HSPA12A: variants seen among roughly 807,000 people sequenced by gnomAD.
HSPA12A encodes the protein heat shock 70 kDa protein 12A.
HSPA12A carries 28 observed loss-of-function variants against 69.2 expected under a neutral mutation model. The observed-to-expected ratio is 0.40, with a 90% CI of 0.30 to 0.55. The LOEUF (loss-of-function observed/expected upper bound fraction) is 0.55, where lower values mean the gene tolerates loss of function less well. Ranked by LOEUF, HSPA12A falls within the 20% of genes least tolerant of loss-of-function variation. The pLI is 0.38. For synonymous variants in HSPA12A, 345 were observed against 370.5 expected, an observed-to-expected ratio of 0.93 and a Z score of 0.79; for missense variants, 686 against 900.7, an observed-to-expected ratio of 0.76 and a Z score of 3.05.
In HSPA12A at chr10:116,710,910, A is replaced by T. The variant is rs1381749449; in HGVS notation, c.41-3625T>A. On this transcript the variant is annotated intron_variant, in intron 1 of 11. Coordinates refer to ENST00000369209, the MANE Select transcript of HSPA12A (RefSeq NM_025015.3). The surrounding 1 kb of genome is among the most constrained non-coding windows in gnomAD (Gnocchi z 4.1). ...CTCAAAAATTCTCAGGGGAAAAAAA[A>T]CGGAAAAGCCTATCTCACCCCCTGA... is the stretch of plus-strand genomic sequence containing the variant. Among the ~76,000 whole-genome samples the T allele has an allele frequency of 6.6e-6, 1 of 152,224 alleles. No individual in the cohort carries two copies. The highest frequency in any genetic ancestry group is 2.1e-4 in the South Asian group (1 of 4,828).
chr10:116,767,442 G>C (rs1317578879), intron 2 of HSPA12A, among the ~76,000 whole-genome samples: 1 of 152,140 alleles, frequency 6.6e-6, no homozygotes, highest in Non-Finnish European at 1.5e-5. Context: ...ATCCACCCCA[G>C]CTGCTGGGTG....
At chr10:116,762,139 G>A (rs944193579) in intron 2 of HSPA12A, among the ~76,000 whole-genome samples, 38 of 152,190 alleles carry the variant, frequency 2.5e-4, no homozygotes, top group Admixed American at 5.2e-4. Context: ...CTTTGGCGTA[G>A]CATAAGCCGC....
At chr10:116,805,944 C>T (rs1845059897) in intron 2 of HSPA12A, among the ~76,000 whole-genome samples, 1 of 152,206 alleles carries the variant, frequency 6.6e-6, no homozygotes, top group African/African-American at 2.4e-5. Flanking sequence ...TAAATGCCAC[C>T]TCAGACCACC....
chr10:116,745,392 C>T (rs1851627272), upstream of HSPA12A, among the ~76,000 whole-genome samples: 1 of 152,210 alleles, frequency 6.6e-6, no homozygotes, highest in African/African-American at 2.4e-5. Flanking sequence ...TACCAAGTTC[C>T]CTCAAGCTCC....
At chr10:116,815,661 A>G (rs764647543) in intron 2 of HSPA12A, among the ~76,000 whole-genome samples, 3 of 152,190 alleles carry the variant, frequency 2.0e-5, no homozygotes, top group African/African-American at 2.4e-5. Context: ...ACAGGTAAGT[A>G]GATTCTCTAG....
intron 2 of HSPA12A, among the ~76,000 whole-genome samples, chr10:116,796,695 C>G (rs1844834243): frequency 6.6e-6 from 1 of 152,130 alleles, no homozygotes; most frequent in South Asian, 2.1e-4. Context: ...AGCCCCGGGG[C>G]AGAGATTTGA....
chr10:116,739,937 A>G (rs1299095828), intron 1 of HSPA12A, among the ~76,000 whole-genome samples: 1 of 151,360 alleles, frequency 6.6e-6, no homozygotes, highest in East Asian at 1.9e-4. Context: ...CCTTTCTGAC[A>G]CCACCCCCCA....
At chr10:116,683,541 TAGAG>T in intron 7 of HSPA12A, 2 of 356,390 alleles carry the variant, frequency 5.6e-6, no homozygotes, top group East Asian at 4.1e-5. Flanking sequence ...CTCAGATTCT[TAGAG>T]AGAAGCTCCC....
intron 2 of HSPA12A, among the ~76,000 whole-genome samples, chr10:116,812,779 C>T (rs371763707): frequency 1.2e-4 from 18 of 152,100 alleles, no homozygotes; most frequent in Admixed American, 5.9e-4. Context: ...GATGATCTGG[C>T]GAAGGACCCA....
intron 10 of HSPA12A, among the ~76,000 whole-genome samples, chr10:116,677,451 A>G (rs1849272955): frequency 6.6e-6 from 1 of 152,132 alleles, no homozygotes; most frequent in Non-Finnish European, 1.5e-5. Flanking sequence ...GTATGGAATG[A>G]CCCCATGGCT....
chr10:116,840,904 A>G lies in HSPA12A; in HGVS notation c.4-5882T>C, dbSNP rs556972929. Among the ~76,000 whole-genome samples, 3 of 152,324 alleles carry G rather than the reference A, an allele frequency of 2.0e-5. No individual in the cohort carries two copies. In the South Asian group the frequency reaches 6.2e-4, roughly 32 times the overall value. Reference sequence around the variant, plus strand: ...TCATTGATCAACTCCAATTTTCACAACAATCTAACAGTAGCTGTTTAACAA... The same window carrying G: ...TCATTGATCAACTCCAATTTTCACAGCAATCTAACAGTAGCTGTTTAACAA... On this transcript the variant is annotated intron_variant, in intron 1 of 12. Coordinates refer to the HSPA12A transcript ENST00000635765.
At chr10:116,709,683 C>A (rs1025925988) in intron 1 of HSPA12A, among the ~76,000 whole-genome samples, 1 of 151,758 alleles carries the variant, frequency 6.6e-6, no homozygotes, top group Non-Finnish European at 1.5e-5. Flanking sequence ...GAGAGGTGAC[C>A]AGGGGTAAGA....
rs550754822 is a variant in HSPA12A, at chr10:116,709,700, G to T, written c.41-2415C>A. ...GAGGTGACCAGGGGTAAGAGGAAGGGAGAAATGGAGAGTTCTTGCTTAATG... is the reference window on the plus strand; with the variant it reads ...GAGGTGACCAGGGGTAAGAGGAAGGTAGAAATGGAGAGTTCTTGCTTAATG... On this transcript the variant is annotated intron_variant, in intron 1 of 11. Coordinates refer to ENST00000369209, the MANE Select transcript of HSPA12A (RefSeq NM_025015.3). Among the ~76,000 whole-genome samples the T allele has an allele frequency of 3.3e-5, 5 of 152,250 alleles. No individual in the cohort carries two copies. In the East Asian group the frequency reaches 9.7e-4, roughly 29 times the overall value.
intron 1 of HSPA12A, among the ~76,000 whole-genome samples, chr10:116,842,554 C>CT (rs1455755569): frequency 6.6e-6 from 1 of 152,138 alleles, no homozygotes; most frequent in Non-Finnish European, 1.5e-5. Context: ...GTGGCTACTT[C>CT]TATAAAGTTA....
chr10:116,718,920 A>G (rs1231161330), intron 1 of HSPA12A, among the ~76,000 whole-genome samples: 2 of 151,870 alleles, frequency 1.3e-5, no homozygotes, highest in African/African-American at 4.8e-5. Context: ...TGGGGTGAGA[A>G]CTAGAATTTA....
intron 2 of HSPA12A, among the ~76,000 whole-genome samples, chr10:116,806,527 T>C (rs1845071224): frequency 6.6e-6 from 1 of 152,156 alleles, no homozygotes; most frequent in Non-Finnish European, 1.5e-5. Flanking sequence ...ATTTGATCTA[T>C]TTCATCTTAA....
At chr10:116,783,015 T>C (rs1844497360) in intron 2 of HSPA12A, among the ~76,000 whole-genome samples, 1 of 152,142 alleles carries the variant, frequency 6.6e-6, no homozygotes, top group African/African-American at 2.4e-5. Context: ...AAATGACAAA[T>C]GTCTCCTGCC....
At chr10:116,743,530 G>T (rs138771251), upstream of HSPA12A, among the ~76,000 whole-genome samples, 56 of 152,324 alleles carry the variant, frequency 3.7e-4, no homozygotes, top group Non-Finnish European at 6.6e-4. Context: ...GCTGAGGATC[G>T]GCAGGGTTAC....
chr10:116,773,508 C>T (rs538765311), intron 2 of HSPA12A, among the ~76,000 whole-genome samples: 7 of 152,296 alleles, frequency 4.6e-5, no homozygotes, highest in African/African-American at 1.7e-4. Flanking sequence ...GGTAACATGA[C>T]CAGGGAGCAG....
Sources: gnomAD v4.1 joint callset for allele counts (sites outside exome capture counted in the v4.1 genomes callset) on GRCh38, gnomAD v4.1.1 for gene constraint, Gnocchi (gnomAD v3.1) non-coding constraint, MANE v1.5 for transcripts, NCBI Gene and HGNC (gene_info 2026-07-23, HGNC 2026-07-21) for gene names.